NSD3: variants seen among roughly 807,000 people sequenced by gnomAD.
NSD3 encodes histone-lysine N-methyltransferase NSD3.
Under a neutral mutation model 160.8 loss-of-function variants are expected in NSD3, and 24 were observed. The ratio of observed to expected loss-of-function variants is 0.15; its 90% CI spans 0.11 to 0.21. The LOEUF is 0.21. Among genes scored for constraint, NSD3 ranks in the 10% least tolerant of loss-of-function variants. The probability of loss-of-function intolerance (pLI) is 1.00; values close to 1 mark genes in which losing one functional copy is unlikely to be tolerated. For synonymous variants in NSD3, 520 were observed against 600.0 expected, an observed-to-expected ratio of 0.87 and a Z score of 1.95; for missense variants, 1,157 against 1,735.9, an observed-to-expected ratio of 0.67 and a Z score of 5.93.
At position 38,321,147 on chromosome 8, in the gene NSD3, T is replaced by C. The variant is rs1194557420; in HGVS notation, c.1734A>G (p.Arg578=). The change falls in exon 8 of 24, where the codon AGA becomes AGG. Residue 578 remains arginine (R), a synonymous_variant. Transcript: ENST00000317025. The surrounding 1 kb of genome is among the most constrained non-coding windows in gnomAD (Gnocchi z 4.7). The stretch of plus-strand genomic sequence containing the variant: ...ATTCAGAACGAGTTCTAATTGATCT[T>C]CTCTGTTGCTTCTTTTCTACTGAGC... ...STGSVEKKQQ[R]RSIRTRSESE... 6 of 1,612,764 alleles carry C rather than the reference T, an allele frequency of 3.7e-6. No individual in the cohort carries two copies. The highest frequency in any genetic ancestry group is 1.3e-5 in the African/African-American group (1 of 75,046).
At chr8:38,358,219 C>T (rs1810871900) in intron 1 of NSD3, among the ~76,000 whole-genome samples, 1 of 152,012 alleles carries the variant, frequency 6.6e-6, no homozygotes. Flanking sequence ...TTCTAGTAAA[C>T]ATAATCAATC....
chr8:38,282,119 C>T (rs999471223), intron 19 of NSD3, among the ~76,000 whole-genome samples: 5 of 152,162 alleles, frequency 3.3e-5, no homozygotes, highest in Admixed American at 2.6e-4. Context: ...ACCAGAAAAC[C>T]GACATTGGTA....
intron 1 of NSD3, among the ~76,000 whole-genome samples, chr8:38,378,007 A>C (rs1319389343): frequency 6.6e-6 from 1 of 152,224 alleles, no homozygotes; most frequent in Non-Finnish European, 1.5e-5. Context: ...AGAAATATAC[A>C]CATACATGCA....
At chr8:38,360,875 A>G (rs1346957609) in intron 1 of NSD3, among the ~76,000 whole-genome samples, 1 of 152,234 alleles carries the variant, frequency 6.6e-6, no homozygotes, top group Non-Finnish European at 1.5e-5. Flanking sequence ...CATGCATCCA[A>G]AACAAAGTAG....
intron 11 of NSD3, 105 bp downstream of exon 11, chr8:38,315,308 TATC>T: frequency 1.5e-6 from 2 of 1,298,388 alleles, no homozygotes; most frequent in Non-Finnish European, 2.0e-6. Context: ...TTTAAAGTAA[TATC>T]ATAATAATTT....
chr8:38,342,677 C>T (rs532825457), intron 2 of NSD3, among the ~76,000 whole-genome samples: 15 of 151,936 alleles, frequency 9.9e-5, no homozygotes, highest in Admixed American at 1.3e-4. Context: ...AAGCGATTCT[C>T]CTGCCTCAGC....
intron 12 of NSD3, among the ~76,000 whole-genome samples, chr8:38,313,392 T>C (rs1005045943): frequency 6.6e-6 from 1 of 152,146 alleles, no homozygotes; most frequent in African/African-American, 2.4e-5. Context: ...GGGGAAGCTA[T>C]TAAACTCTCT....
chr8:38,331,446 G>A lies in NSD3; in HGVS notation c.1050C>T (p.His350=). The A allele has an allele frequency of 6.2e-7, 1 of 1,603,374 alleles. No homozygotes were observed. The highest frequency in any genetic ancestry group is 8.5e-7 in the Non-Finnish European group (1 of 1,175,520). ...TGTTAGTTACCTTTTGTTTCTCAGA[G>A]TGATTGCTGGCTTGTTTGGTTGCCT... ...LAEATKQASN[H]SEKQKIRKPR... Residue 350 remains histidine (H), a synonymous_variant, in exon 5 of 24, where the codon CAC becomes CAT. Transcript: ENST00000317025.
intron 1 of NSD3, among the ~76,000 whole-genome samples, chr8:38,375,632 G>C (rs1012719951): frequency 1.1e-4 from 17 of 151,794 alleles, no homozygotes; most frequent in African/African-American, 4.1e-4. Flanking sequence ...TCTTACATTT[G>C]TCCTTGTTAA....
At position 38,380,205 on chromosome 8, in the gene NSD3, C is replaced by A. The variant is rs1303335051; in HGVS notation, c.-45+1594G>T. Among the ~76,000 whole-genome samples the A allele has an allele frequency of 2.6e-5, 4 of 152,196 alleles. No individual in the cohort carries two copies. The South Asian group carries it at 8.3e-4, about 32-fold the overall frequency. ...GAGAGTTTATTTAAAAAAGAAAATA[C>A]TATTCTTAACACACTCATCACTTAA... On this transcript the variant is annotated intron_variant, in intron 1 of 23. Coordinates refer to ENST00000317025, the MANE Select transcript of NSD3 (RefSeq NM_023034.2).
chr8:38,282,870 G>A (rs923576733), intron 19 of NSD3, among the ~76,000 whole-genome samples: 4 of 152,138 alleles, frequency 2.6e-5, no homozygotes, highest in Non-Finnish European at 5.9e-5. Flanking sequence ...TTCACCCATG[G>A]AAGAACATTT....
chr8:38,365,471 G>T (rs1188368875), intron 1 of NSD3, among the ~76,000 whole-genome samples: 1 of 152,058 alleles, frequency 6.6e-6, no homozygotes, highest in Non-Finnish European at 1.5e-5. Flanking sequence ...CAGGGACGGG[G>T]GGCTGGATTC....
At chr8:38,297,920 C>T (rs1156722869) in intron 15 of NSD3, among the ~76,000 whole-genome samples, 5 of 152,002 alleles carry the variant, frequency 3.3e-5, no homozygotes, top group African/African-American at 1.2e-4. Context: ...AAAAGTCAGG[C>T]TGGCCATTTT....
At chr8:38,330,011 C>A in intron 5 of NSD3, 118 bp from the exon 6 acceptor site, 1 of 1,240,904 alleles carries the variant, frequency 8.1e-7, no homozygotes, top group Non-Finnish European at 1.1e-6. Flanking sequence ...TCTTCAGGTT[C>A]TTTGGTCAAA....
intron 17 of NSD3, 24 bp downstream of exon 17, chr8:38,290,449 GTC>G: frequency 6.2e-7 from 1 of 1,612,114 alleles, no homozygotes; most frequent in Non-Finnish European, 8.5e-7. Context: ...GTAGTTTTGA[GTC>G]ACTGTAAACA....
chr8:38,373,958 A>AAAAAAAAAAAAAAC (rs1811323110), intron 1 of NSD3, among the ~76,000 whole-genome samples: 1 of 150,206 alleles, frequency 6.7e-6, no homozygotes, highest in African/African-American at 2.5e-5. Flanking sequence ...AAAAAAAAAA[A>AAAAAAAAAAAAAAC]AGCAAAACTA....
intron 16 of NSD3, among the ~76,000 whole-genome samples, chr8:38,292,974 A>T (rs1809040127): frequency 1.4e-5 from 2 of 147,902 alleles, no homozygotes; most frequent in Non-Finnish European, 3.0e-5. Context: ...TCTGTCTCAA[A>T]AAAAAATACA....
At chr8:38,279,890 G>A in intron 20 of NSD3, 1 of 509,068 alleles carries the variant, frequency 2.0e-6, no homozygotes, top group Non-Finnish European at 3.4e-6. Flanking sequence ...GATAAAGTGG[G>A]ATTTAGTTGC....
intron 16 of NSD3, 128 bp downstream of exon 16, chr8:38,295,668 C>CT (rs372792522): frequency 0.1 from 66,777 of 648,744 alleles, 5 homozygotes; most frequent in Middle Eastern, 0.13. Context: ...TGGTTCTTTT[C>CT]TTTTTTTTTT....
Sources: allele counts gnomAD v4.1 joint callset (sites outside exome capture counted in the v4.1 genomes callset), GRCh38; gene constraint gnomAD v4.1.1; non-coding constraint Gnocchi (gnomAD v3.1); transcripts MANE v1.5; gene names NCBI Gene and HGNC (gene_info 2026-07-23, HGNC 2026-07-21).